Variants in TVP23C observed in about 807,000 individuals in gnomAD.
The protein encoded by TVP23C is trans-golgi network vesicle protein 23 homolog C.
In TVP23C, 19 loss-of-function variants were observed where a neutral mutation model predicts 28.7. That is an observed-to-expected ratio of 0.66 (90% CI 0.46 to 0.97). The LOEUF is 0.97. Among genes scored for constraint, TVP23C ranks in the 50% least tolerant of loss-of-function variants. The pLI is 0.00. For missense variants in TVP23C, 186 were observed against 241.3 expected (o/e 0.77, Z 1.52); for synonymous variants, 68 against 81.7 (o/e 0.83, Z 0.90).
In TVP23C at chr17:15,537,779, T is replaced by C. The variant is rs936937884; in HGVS notation, c.*2633A>G. 2.1e-5 allele frequency: 22 copies of C among 1,071,668 alleles called. No homozygotes were observed. The South Asian group carries it at 6.5e-4, about 32-fold the overall frequency. 66.4% of individuals were successfully genotyped at this position (1,071,668 alleles called of 1,614,324 possible). A position where few individuals can be genotyped will look rare whatever the true frequency, so the allele number is the denominator to read the frequency against. Reference sequence around the variant, plus strand: ...ACTAAGAACATCCTCCTATGTTCTATGGATCAAAATGCAAAGGTCTCCATT... The same window carrying C: ...ACTAAGAACATCCTCCTATGTTCTACGGATCAAAATGCAAAGGTCTCCATT... On this transcript the variant is annotated 3_prime_UTR_variant, in exon 6 of 6. Coordinates refer to ENST00000518321, the MANE Select transcript of TVP23C (RefSeq NM_001135036.2).
At chr17:15,505,706 C>T (rs2150825396) in intron 5 of TVP23C, among the ~76,000 whole-genome samples, 1 of 152,310 alleles carries the variant, frequency 6.6e-6, no homozygotes, top group East Asian at 1.9e-4. Flanking sequence ...GGGAGAGGGG[C>T]GAGCGGGAAC....
At position 15,510,685 on chromosome 17, in the gene TVP23C, C is replaced by T. The variant is rs115767216; in HGVS notation, c.463-7453G>A. ...ACTACCATTTACCAAGTTCTAGCAA[C>T]ATGTCAGTGCTTTTATACATATTCA... is the stretch of plus-strand genomic sequence containing the variant. On this transcript the variant is annotated intron_variant, in intron 5 of 5. Coordinates refer to the TVP23C transcript ENST00000225576. Among the ~76,000 whole-genome samples, 349 of 152,260 alleles carry T rather than the reference C, an allele frequency of 2.3e-3. 2 individuals carry two copies. The highest frequency in any genetic ancestry group is 8.2e-3 in the African/African-American group (340 of 41,540).
At chr17:15,503,413 A>C in intron 5 of TVP23C, 1 of 752,692 alleles carries the variant, frequency 1.3e-6, no homozygotes, top group Non-Finnish European at 2.0e-6. Context: ...ATTTCAAGAA[A>C]AGTCCTTGAG....
intron 5 of TVP23C, among the ~76,000 whole-genome samples, chr17:15,520,822 A>C (rs1567633554): frequency 6.6e-6 from 1 of 152,170 alleles, no homozygotes; most frequent in Non-Finnish European, 1.5e-5. Flanking sequence ...GAAGATTGGA[A>C]ATGAAGGAAA....
At chr17:15,534,361 A>C (rs111755679), downstream of TVP23C, among the ~76,000 whole-genome samples, 2,150 of 150,506 alleles carry the variant, frequency 0.014, no homozygotes, top group African/African-American at 0.052. Context: ...GAGCATTACT[A>C]TCTCTACTAC....
chr17:15,527,204 T>C (rs1340350582), intron 5 of TVP23C, among the ~76,000 whole-genome samples: 3 of 152,228 alleles, frequency 2.0e-5, no homozygotes, highest in Non-Finnish European at 4.4e-5. Context: ...TTGTGTTCTT[T>C]GTTTCTGCAT....
At position 15,553,777 on chromosome 17, in the gene TVP23C, C is replaced by T. The variant is rs764421031; in HGVS notation, c.148G>A (p.Val50Ile). The T allele has an allele frequency of 6.8e-6, 11 of 1,613,700 alleles. No individual in the cohort carries two copies. Among genetic ancestry groups the T allele is most frequent in the East Asian group, 4.5e-5 (2 of 44,888 alleles). ...HLFFRVSAII[V>I]CLLCELLSSS... ...CTGAGCAACTCACAGAGAAGACAGACGATGATTGCACTGACTCGAAAGAAT... is the reference window on the plus strand; with the variant it reads ...CTGAGCAACTCACAGAGAAGACAGATGATGATTGCACTGACTCGAAAGAAT... Residue 50 changes from valine (V) to isoleucine (I), a missense_variant, in exon 3 of 6, where the codon GTC becomes ATC. Val to Ile is a conservative substitution (Grantham distance 29). Transcript: ENST00000518321.
chr17:15,503,663 G>A (rs1981592845), intron 5 of TVP23C: 2 of 153,748 alleles, frequency 1.3e-5, no homozygotes, highest in Non-Finnish European at 2.9e-5. Flanking sequence ...ACCAAAATAA[G>A]CTAGCAGGAG....
chr17:15,551,998 T>C (rs1038222880), intron 3 of TVP23C, among the ~76,000 whole-genome samples: 2 of 152,198 alleles, frequency 1.3e-5, no homozygotes, highest in African/African-American at 4.8e-5. Context: ...AGGGTGCCAT[T>C]TTTTAAGCTC....
exon 6 of TVP23C, chr17:15,502,668 C>A: frequency 1.0e-6 from 1 of 976,656 alleles, no homozygotes; most frequent in Non-Finnish European, 1.4e-6. Context: ...CTCTTCTGCC[C>A]TTTTCCCCTT....
At chr17:15,518,758 A>T (rs1982341244) in intron 5 of TVP23C, among the ~76,000 whole-genome samples, 1 of 152,180 alleles carries the variant, frequency 6.6e-6, no homozygotes, top group South Asian at 2.1e-4. Context: ...GTCTGCCCAG[A>T]ATACAAGAGG....
At chr17:15,517,301 A>G (rs1305661993) in intron 5 of TVP23C, among the ~76,000 whole-genome samples, 3 of 152,232 alleles carry the variant, frequency 2.0e-5, no homozygotes, top group Non-Finnish European at 4.4e-5. Flanking sequence ...TCCTCCCAGC[A>G]TCTAACACAG....
intron 5 of TVP23C, among the ~76,000 whole-genome samples, chr17:15,517,171 C>T (rs549192697): frequency 6.6e-6 from 1 of 152,284 alleles, no homozygotes; most frequent in East Asian, 1.9e-4. Context: ...GGCTGTCTAC[C>T]CTTTCCGCCT....
intron 5 of TVP23C, among the ~76,000 whole-genome samples, chr17:15,508,918 G>A (rs1052517411): frequency 3.3e-5 from 5 of 152,174 alleles, no homozygotes; most frequent in African/African-American, 7.2e-5. Flanking sequence ...GAAAGACCCC[G>A]ATGAGTCACT....
chr17:15,533,291 G>T (rs1313388390), downstream of TVP23C, among the ~76,000 whole-genome samples: 2 of 152,154 alleles, frequency 1.3e-5, no homozygotes, highest in Non-Finnish European at 2.9e-5. Flanking sequence ...CAAAACTCCT[G>T]ATGACACAAT....
intron 2 of TVP23C, among the ~76,000 whole-genome samples, chr17:15,554,236 C>CA (rs1984024805): frequency 8.0e-6 from 1 of 125,402 alleles, no homozygotes; most frequent in South Asian, 2.5e-4. Flanking sequence ...TTGTTTGTTT[C>CA]TTTTTTTTTT....
intron 5 of TVP23C, among the ~76,000 whole-genome samples, chr17:15,508,553 G>A (rs1030683535): frequency 1.3e-5 from 2 of 152,118 alleles, no homozygotes; most frequent in Admixed American, 6.5e-5. Context: ...ACTTCCAGTC[G>A]CTCTTCCCTT....
intron 1 of TVP23C, 116 bp downstream of exon 1, chr17:15,563,321 C>G (rs1984488384): frequency 6.6e-7 from 1 of 1,506,506 alleles, no homozygotes; most frequent in South Asian, 1.3e-5. Context: ...TCCCGGCCGC[C>G]CCGCTCCTCC....
intron 5 of TVP23C, among the ~76,000 whole-genome samples, chr17:15,523,041 G>A (rs1026909572): frequency 2.0e-5 from 3 of 151,742 alleles, no homozygotes; most frequent in Non-Finnish European, 2.9e-5. Flanking sequence ...ACGTAGTCTC[G>A]CTCTGTCGCC....
Sources: allele counts gnomAD v4.1 joint callset (sites outside exome capture counted in the v4.1 genomes callset), GRCh38; gene constraint gnomAD v4.1.1; transcripts MANE v1.5; gene names NCBI Gene and HGNC (gene_info 2026-07-23, HGNC 2026-07-21).